CSMD1: variants seen among roughly 807,000 people sequenced by gnomAD.
CSMD1 encodes the protein CUB and sushi domain-containing protein 1.
CSMD1 carries 213 observed loss-of-function variants against 417.5 expected under a neutral mutation model. The observed-to-expected ratio is 0.51, with a 90% confidence interval of 0.46 to 0.57. CSMD1 has a LOEUF of 0.57. CSMD1 is among the 20% of genes least tolerant of loss of function. CSMD1 has a pLI of 0.00. For synonymous variants in CSMD1, 2,862 were observed against 1,736.8 expected (o/e 1.65, Z -16.11); for missense variants, 6,923 against 4,529.7 (o/e 1.53, Z -15.17).
At chr8:3,513,813 G>A (rs1046355620) in intron 10 of CSMD1, among the ~76,000 whole-genome samples, 2 of 152,170 alleles carry the variant, frequency 1.3e-5, no homozygotes, top group Non-Finnish European at 1.5e-5. Flanking sequence ...ACGTAATAGA[G>A]TACAGAATAA....
At chr8:4,053,937 A>C (rs538859335) in intron 3 of CSMD1, among the ~76,000 whole-genome samples, 17 of 152,326 alleles carry the variant, frequency 1.1e-4, no homozygotes, top group Non-Finnish European at 2.1e-4. Context: ...TACTTAACAC[A>C]TATCTGTGCA....
chr8:4,433,998 T>G (rs1033114698), intron 2 of CSMD1, among the ~76,000 whole-genome samples: 1 of 152,106 alleles, frequency 6.6e-6, no homozygotes, highest in Admixed American at 6.5e-5. Context: ...GCCTCAAGAT[T>G]AACAGCTTCA....
intron 1 of CSMD1, among the ~76,000 whole-genome samples, chr8:4,889,604 A>C (rs1021372242): frequency 4.6e-5 from 7 of 152,114 alleles, no homozygotes; most frequent in Non-Finnish European, 7.3e-5. Context: ...TAGAAAAAAA[A>C]CCATAATGAC....
intron 25 of CSMD1, among the ~76,000 whole-genome samples, chr8:3,289,894 C>T (rs867760779): frequency 6.8e-6 from 1 of 147,492 alleles, no homozygotes; most frequent in Non-Finnish European, 1.5e-5. Context: ...GACATGAAGT[C>T]CTTACCCATG....
At chr8:3,945,276 A>C (rs1811145970) in intron 5 of CSMD1, among the ~76,000 whole-genome samples, 1 of 151,864 alleles carries the variant, frequency 6.6e-6, no homozygotes, top group South Asian at 2.1e-4. Flanking sequence ...ATTCTCCATC[A>C]TGTAAATTGA....
chr8:3,236,977 C>A (rs1799190294), intron 26 of CSMD1, among the ~76,000 whole-genome samples: 1 of 152,088 alleles, frequency 6.6e-6, no homozygotes, highest in South Asian at 2.1e-4. Flanking sequence ...ACATCTCTGC[C>A]ACCTGTCAGG....
At chr8:4,992,140 C>T (rs1255181152) in intron 1 of CSMD1, among the ~76,000 whole-genome samples, 1 of 152,158 alleles carries the variant, frequency 6.6e-6, no homozygotes, top group African/African-American at 2.4e-5. Context: ...GGGCCCGAGG[C>T]GCCCAGGACT....
At chr8:3,551,594 ATATTTTTT>A (rs1193274460) in intron 10 of CSMD1, among the ~76,000 whole-genome samples, 93 of 103,740 alleles carry the variant, frequency 9.0e-4, no homozygotes, top group Middle Eastern at 9.8e-3. Flanking sequence ...ATATATATAT[ATATTTTTT>A]TTTTTTTTTT....
chr8:3,505,963 A>C (rs1796806874), intron 10 of CSMD1, among the ~76,000 whole-genome samples: 1 of 152,230 alleles, frequency 6.6e-6, no homozygotes, highest in Non-Finnish European at 1.5e-5. Flanking sequence ...TAAACCAGAA[A>C]GGAAGAGGGT....
At chr8:3,814,750 T>C (rs1038103861) in intron 5 of CSMD1, among the ~76,000 whole-genome samples, 2 of 152,182 alleles carry the variant, frequency 1.3e-5, no homozygotes, top group African/African-American at 4.8e-5. Flanking sequence ...AATCCACAAC[T>C]TGCATTTCCA....
chr8:3,098,976 A>G (rs770789561), intron 46 of CSMD1, among the ~76,000 whole-genome samples: 1 of 151,656 alleles, frequency 6.6e-6, no homozygotes, highest in Non-Finnish European at 1.5e-5. Flanking sequence ...ACCTTTTCAT[A>G]ACTGTTAGGG....
At chr8:4,757,380 T>C (rs968649578) in intron 1 of CSMD1, among the ~76,000 whole-genome samples, 1 of 152,190 alleles carries the variant, frequency 6.6e-6, no homozygotes, top group Non-Finnish European at 1.5e-5. Context: ...GATGATTCAA[T>C]ATACACAAAA....
chr8:4,322,870 A>T (rs558477151), intron 3 of CSMD1, among the ~76,000 whole-genome samples: 1 of 152,188 alleles, frequency 6.6e-6, no homozygotes, highest in Non-Finnish European at 1.5e-5. Context: ...TTGTAGTCCC[A>T]GCTACTCAGG....
At chr8:3,766,163 T>G (rs1248039003) in intron 5 of CSMD1, among the ~76,000 whole-genome samples, 1 of 152,190 alleles carries the variant, frequency 6.6e-6, no homozygotes. Context: ...GTGTGTACTT[T>G]GGGCCTCCTG....
chr8:3,951,118 T>G (rs982724702), intron 5 of CSMD1, among the ~76,000 whole-genome samples: 1 of 152,216 alleles, frequency 6.6e-6, no homozygotes, highest in Non-Finnish European at 1.5e-5. Flanking sequence ...TCTACATTTA[T>G]AGGCAGGAGA....
intron 10 of CSMD1, among the ~76,000 whole-genome samples, chr8:3,532,066 T>C (rs1160446134): frequency 6.6e-6 from 1 of 152,212 alleles, no homozygotes; most frequent in Non-Finnish European, 1.5e-5. Flanking sequence ...TGCCTCATGA[T>C]TAGCTCGTCT....
chr8:4,404,514 C>T, intron 3 of CSMD1, among the ~76,000 whole-genome samples: 1 of 151,838 alleles, frequency 6.6e-6, no homozygotes, highest in East Asian at 1.9e-4. Context: ...CAGTGGGGGG[C>T]AAAAAATAAG....
intron 2 of CSMD1, among the ~76,000 whole-genome samples, chr8:4,607,129 T>A (rs982704577): frequency 6.6e-6 from 1 of 152,196 alleles, no homozygotes; most frequent in Non-Finnish European, 1.5e-5. Context: ...CACTTTTTTT[T>A]ACCTGGGAAA....
chr8:4,837,885 C>G (rs12056452), intron 1 of CSMD1, among the ~76,000 whole-genome samples: 1 of 151,570 alleles, frequency 6.6e-6, no homozygotes, highest in African/African-American at 2.4e-5. Context: ...ATACACCTAA[C>G]GTGAACCCCA....
Sources: allele counts gnomAD v4.1 joint callset (sites outside exome capture counted in the v4.1 genomes callset), GRCh38; gene constraint gnomAD v4.1.1; transcripts MANE v1.5; gene names NCBI Gene and HGNC (gene_info 2026-07-23, HGNC 2026-07-21).